The following BCL2L13 variants were observed in gnomAD, a reference collection of about 807,000 sequenced individuals.
The protein encoded by BCL2L13 is bcl-2-like protein 13.
Under a neutral mutation model 25.8 loss-of-function variants are expected in BCL2L13, and 13 were observed. The observed-to-expected ratio is 0.50, with a 90% CI of 0.33 to 0.80. The LOEUF is 0.80. Among genes scored for constraint, BCL2L13 ranks in the 30% least tolerant of loss-of-function variants. BCL2L13 has a pLI of 0.02. For synonymous variants in BCL2L13, 244 were observed against 230.3 expected (o/e 1.06, Z -0.54); for missense variants, 504 against 574.9 (o/e 0.88, Z 1.26).
chr22:17,700,028 G>GA (rs933370213), intron 5 of BCL2L13, among the ~76,000 whole-genome samples: 4 of 151,972 alleles, frequency 2.6e-5, no homozygotes, highest in East Asian at 1.9e-4. Flanking sequence ...GGAATGAAGG[G>GA]AAAAAAACGA....
intron 6 of BCL2L13, among the ~76,000 whole-genome samples, chr22:17,721,682 G>C (rs554747831): frequency 1.3e-5 from 2 of 152,020 alleles, no homozygotes. Flanking sequence ...GTGCCACCAC[G>C]CCTGGCTAAT....
At chr22:17,663,289 G>T (rs974168311) in intron 2 of BCL2L13, among the ~76,000 whole-genome samples, 1 of 152,202 alleles carries the variant, frequency 6.6e-6, no homozygotes, top group Non-Finnish European at 1.5e-5. Context: ...ATGGAATTCA[G>T]TAGTATGGAT....
At chr22:17,636,839 TGA>T (rs1263873330), upstream of BCL2L13, among the ~76,000 whole-genome samples, 3 of 151,998 alleles carry the variant, frequency 2.0e-5, no homozygotes, top group African/African-American at 7.2e-5. Context: ...AGGAAAAGAC[TGA>T]GAGCAATGTG....
rs2058832638 is a variant in BCL2L13 at position 17,655,710 on chromosome 22, CA to C, written c.1del. 12 of 1,611,530 alleles carry C rather than the reference CA, an allele frequency of 7.4e-6. No homozygotes were observed. The highest frequency in any genetic ancestry group is 1.3e-5 in the African/African-American group (1 of 74,962). ...CTTTTTGGAGCCTCACCAGCCAATT[CA>C]ATGGCGTCCTCTTCTACTGTGCCTC... On this transcript the variant is annotated 5_prime_UTR_variant, in exon 2 of 7. Transcript: ENST00000317582.
chr22:17,646,661 G>T (rs1268202127), intron 1 of BCL2L13, among the ~76,000 whole-genome samples: 4 of 142,608 alleles, frequency 2.8e-5, no homozygotes, highest in Non-Finnish European at 4.5e-5. Flanking sequence ...AATTCAATGA[G>T]TAAAGGTAAC....
intron 2 of BCL2L13, among the ~76,000 whole-genome samples, chr22:17,671,457 C>CTCAG (rs1251981221): frequency 6.7e-6 from 1 of 149,636 alleles, no homozygotes; most frequent in African/African-American, 2.5e-5. Flanking sequence ...GTCCCAGCTA[C>CTCAG]TCAGGAGGCT....
At chr22:17,640,646 C>T (rs1384369545) in intron 1 of BCL2L13, among the ~76,000 whole-genome samples, 4 of 151,264 alleles carry the variant, frequency 2.6e-5, no homozygotes, top group African/African-American at 4.9e-5. Context: ...TGCTTGAGCC[C>T]GGGAGTTCGA....
At position 17,632,248 on chromosome 22, in the gene BCL2L13, T is replaced by C. The variant is rs12628542; in HGVS notation, c.-650+3243T>C. 2.4e-4 allele frequency among the ~76,000 whole-genome samples: 37 copies of C among 152,286 alleles called. No homozygotes were observed. The East Asian group carries it at 7.1e-3, about 29-fold the overall frequency. On this transcript the variant is annotated intron_variant, in intron 1 of 6. Coordinates refer to the BCL2L13 transcript ENST00000399782. ...CTGCCATTTTTTCCATTTGTACTAG[T>C]GCACAGTGTTCCTTGTAGGACAGAT...
Position 17,683,303 on chromosome 22 carries a change from G to A in BCL2L13, c.211G>A (p.Asp71Asn), listed in dbSNP as rs374780735. The A allele has an allele frequency of 1.9e-6, 3 of 1,559,674 alleles. No homozygotes were observed. In the African/African-American group the frequency reaches 4.1e-5, roughly 22 times the overall value. ...AATTGAAGAAGAGCTAAAATCTCTG[G>A]ACAAAGAAATTTCTGAAGGTCTGTT... ...TEIEEELKSL[D>N]KEISEAFTST... Residue 71 changes from aspartate to asparagine, a missense_variant, in exon 3 of 7, where the codon GAC (aspartate) becomes AAC (asparagine). Physicochemically the swap from Asp to Asn is conservative, Grantham distance 23 (BLOSUM62 1). Coordinates refer to ENST00000317582, the MANE Select transcript of BCL2L13 (RefSeq NM_015367.4).
chr22:17,696,365 T>C (rs573376905), intron 5 of BCL2L13, among the ~76,000 whole-genome samples, 155 bp downstream of exon 5: 1 of 152,222 alleles, frequency 6.6e-6, no homozygotes, highest in South Asian at 2.1e-4. Context: ...AACTGGTTTT[T>C]CGATTAATGC....
chr22:17,667,829 T>C (rs1368091735), intron 2 of BCL2L13, among the ~76,000 whole-genome samples: 5 of 151,946 alleles, frequency 3.3e-5, no homozygotes, highest in Non-Finnish European at 7.4e-5. Context: ...TTTATATGTT[T>C]TGGTCACCAG....
At chr22:17,664,982 T>C (rs2059192051) in intron 2 of BCL2L13, among the ~76,000 whole-genome samples, 1 of 152,244 alleles carries the variant, frequency 6.6e-6, no homozygotes. Flanking sequence ...AGACATTTTC[T>C]CCATTGTTTT....
chr22:17,728,254 G>GA lies in BCL2L13; in HGVS notation c.*720_*721insA, dbSNP rs61374862. ...CGGGCGAGGGCTTGCTCTGGACTCA[G>GA]TCTGTCAAGTCCCCGAAGCTTCCTG... On this transcript the variant is annotated 3_prime_UTR_variant, in exon 7 of 7. Coordinates refer to ENST00000317582, the MANE Select transcript of BCL2L13 (RefSeq NM_015367.4). The GA allele has an allele frequency of 0.31, 46,954 of 151,818 alleles. 8,550 individuals carry two copies. Among genetic ancestry groups the GA allele is most frequent in the African/African-American group, 0.51 (21,153 of 41,314 alleles). 9.4% of individuals were successfully genotyped at this position (151,818 alleles called of 1,614,324 possible).
intron 2 of BCL2L13, among the ~76,000 whole-genome samples, chr22:17,677,251 A>G (rs1416544693): frequency 1.3e-5 from 2 of 152,212 alleles, no homozygotes; most frequent in Non-Finnish European, 2.9e-5. Context: ...AAGCCATGTT[A>G]TTTTTGTCAG....
At chr22:17,714,592 TG>T (rs1157769258) in intron 6 of BCL2L13, among the ~76,000 whole-genome samples, 4 of 152,260 alleles carry the variant, frequency 2.6e-5, no homozygotes, top group Non-Finnish European at 4.4e-5. Context: ...TTAGGTAGCT[TG>T]GGGGGACCAT....
chr22:17,649,214 C>T (rs2058594014), intron 1 of BCL2L13, among the ~76,000 whole-genome samples: 1 of 152,064 alleles, frequency 6.6e-6, no homozygotes, highest in Non-Finnish European at 1.5e-5. Context: ...TCTCTTGCCT[C>T]AGCCTCCGGA....
upstream of BCL2L13, chr22:17,638,732 G>T: frequency 8.1e-7 from 1 of 1,231,734 alleles, no homozygotes; most frequent in South Asian, 4.1e-5. Context: ...CGCCGGCCGT[G>T]ACGAAGGCAC....
At chr22:17,663,958 C>A (rs979731892) in intron 2 of BCL2L13, among the ~76,000 whole-genome samples, 8 of 152,262 alleles carry the variant, frequency 5.3e-5, no homozygotes, top group African/African-American at 1.9e-4. Context: ...AAGTGATCCT[C>A]CTGGCTCAGC....
At chr22:17,716,015 A>G (rs1162547706) in intron 6 of BCL2L13, among the ~76,000 whole-genome samples, 3 of 152,232 alleles carry the variant, frequency 2.0e-5, no homozygotes, top group Admixed American at 6.5e-5. Context: ...TACCTGGGGG[A>G]TAACAAAGAA....
Sources: allele counts gnomAD v4.1 joint callset (sites outside exome capture counted in the v4.1 genomes callset), GRCh38; gene constraint gnomAD v4.1.1; transcripts MANE v1.5; gene names NCBI Gene and HGNC (gene_info 2026-07-23, HGNC 2026-07-21).